The following DISC1 variants were observed in gnomAD, a reference collection of about 807,000 sequenced individuals.
The protein encoded by DISC1 is DISC1 scaffold protein.
In DISC1, 57 loss-of-function variants were observed where a neutral mutation model predicts 84.5. That is an observed-to-expected ratio of 0.67 (90% CI 0.55 to 0.84). The LOEUF is 0.84. DISC1 is among the 40% of genes least tolerant of loss of function. The probability of loss-of-function intolerance (pLI) is 0.00; values close to 1 mark genes in which losing one functional copy is unlikely to be tolerated. For synonymous variants in DISC1, 411 were observed against 415.2 expected, an observed-to-expected ratio of 0.99 and a Z score of 0.12; for missense variants, 1,000 against 1,057.8, an observed-to-expected ratio of 0.95 and a Z score of 0.76.
intron 3 of DISC1, chr1:231,723,747 C>A: frequency 2.0e-6 from 2 of 985,472 alleles, no homozygotes; most frequent in Non-Finnish European, 2.4e-6. Context: ...ACTTCTGCAG[C>A]CACTGGGACT....
rs1214446153 is a variant in DISC1 at position 231,716,567 on chromosome 1, A to G, written c.1117+14543A>G. ...TGCTTGGGCTTTGAAAGAACTGGCA[A>G]TCCTGCTTTTAAGAGTGGAAGGAAA... is the stretch of plus-strand genomic sequence containing the variant. On this transcript the variant is annotated intron_variant, in intron 3 of 12. Transcript: ENST00000439617. 2.6e-5 allele frequency among the ~76,000 whole-genome samples: 4 copies of G among 152,248 alleles called. No individual in the cohort carries two copies. The East Asian group carries it at 5.8e-4, about 22-fold the overall frequency.
rs190110924 is a variant in DISC1, at chr1:232,002,294, C to T, written c.2043-6491C>T. Among the ~76,000 whole-genome samples the T allele has an allele frequency of 4.6e-5, 7 of 152,202 alleles. No individual in the cohort carries two copies. The East Asian group carries it at 1.4e-3, about 29-fold the overall frequency. ...TTTTGATAAGAATGCAAATGGTTGG[C>T]CACTCTGAAAAACAGTTTGGCAGTT... On this transcript the variant is annotated intron_variant, in intron 10 of 12. Coordinates refer to ENST00000439617, the MANE Select transcript of DISC1 (RefSeq NM_018662.3).
chr1:231,906,688 G>A (rs2088671751), intron 9 of DISC1, among the ~76,000 whole-genome samples: 1 of 152,034 alleles, frequency 6.6e-6, no homozygotes, highest in African/African-American at 2.4e-5. Flanking sequence ...AGCCGTTCAG[G>A]TTAGAGGGTG....
intron 6 of DISC1, among the ~76,000 whole-genome samples, chr1:231,782,896 C>T (rs999012857): frequency 6.6e-6 from 1 of 152,034 alleles, no homozygotes; most frequent in African/African-American, 2.4e-5. Flanking sequence ...GAGTGGAGAT[C>T]GTGTCACTCT....
intron 4 of DISC1, among the ~76,000 whole-genome samples, chr1:231,752,434 T>A (rs576914042): frequency 3.3e-5 from 5 of 152,082 alleles, no homozygotes; most frequent in African/African-American, 1.2e-4. Context: ...AACAACGAGA[T>A]CTCATGAGAA....
At chr1:231,666,621 A>G (rs976275864) in intron 1 of DISC1, among the ~76,000 whole-genome samples, 14 of 152,372 alleles carry the variant, frequency 9.2e-5, no homozygotes, top group African/African-American at 3.1e-4. Context: ...CAGGCCAGGC[A>G]GCTGCCCAGC....
intron 1 of DISC1, among the ~76,000 whole-genome samples, chr1:231,677,390 C>G (rs938593121): frequency 6.6e-5 from 10 of 152,190 alleles, no homozygotes; most frequent in Non-Finnish European, 1.5e-4. Flanking sequence ...TAGCTCTTCT[C>G]TCTTTTTAAA....
At chr1:231,632,598 GAGAAA>G (rs2058815235) in intron 1 of DISC1, among the ~76,000 whole-genome samples, 1 of 152,206 alleles carries the variant, frequency 6.6e-6, no homozygotes, top group Non-Finnish European at 1.5e-5. Context: ...TTTTACAGGT[GAGAAA>G]AGTGAGAAAC....
intron 9 of DISC1, among the ~76,000 whole-genome samples, chr1:231,945,539 C>G (rs771275648): frequency 1.3e-5 from 2 of 152,096 alleles, no homozygotes; most frequent in Non-Finnish European, 2.9e-5. Context: ...ACCCTAGCAT[C>G]AAAATTAAAA....
chr1:231,957,820 C>T (rs1277697643), intron 9 of DISC1, among the ~76,000 whole-genome samples: 1 of 152,020 alleles, frequency 6.6e-6, no homozygotes, highest in Non-Finnish European at 1.5e-5. Context: ...TTCCACAGTC[C>T]CTCACCTTAC....
intron 9 of DISC1, among the ~76,000 whole-genome samples, chr1:231,903,928 CTA>C (rs1364518626): frequency 6.6e-6 from 1 of 152,172 alleles, no homozygotes; most frequent in African/African-American, 2.4e-5. Flanking sequence ...AGTCAAGAGA[CTA>C]TAGAGAGTCA....
In DISC1 at chr1:232,036,703, A is replaced by T; in HGVS notation, c.2437A>T (p.Arg813Trp). The T allele has an allele frequency of 6.3e-7, 1 of 1,599,096 alleles. No homozygotes were observed. Among genetic ancestry groups the T allele is most frequent in the East Asian group, 2.2e-5 (1 of 44,476 alleles). The part of the protein sequence containing the change: ...HDEDLIQSLR[R>W]ELQMVKETLQ... ...AACAATGTGCCCACAGTCTCTCAGGAGGGAGCTCCAGATGGTGAAGGAAAC... is the reference window on the plus strand; with the variant it reads ...AACAATGTGCCCACAGTCTCTCAGGTGGGAGCTCCAGATGGTGAAGGAAAC... Residue 813 changes from arginine to tryptophan, a missense_variant, in exon 13 of 13, where the codon AGG becomes TGG. Arg to Trp is a moderately radical substitution (Grantham distance 101). This residue lies in a region of DISC1 where 397 missense variants were observed against 377.5 expected (regional missense o/e 1.05). Transcript: ENST00000439617.
rs376909273 is a variant in DISC1, at chr1:231,845,423, G to A, written c.1981+26906G>A. Among the ~76,000 whole-genome samples, 77 of 152,238 alleles carry A rather than the reference G, an allele frequency of 5.1e-4. 1 individual carries two copies. In the South Asian group the frequency reaches 0.016, roughly 31 times the overall value. On this transcript the variant is annotated intron_variant, in intron 9 of 12. Coordinates refer to ENST00000439617, the MANE Select transcript of DISC1 (RefSeq NM_018662.3). ...GGCGGGGGGAGGTTTGAGGAGAGTG[G>A]GGAAAGGTCTGCTGTGGTGCCTTGA... is the stretch of plus-strand genomic sequence containing the variant.
intron 1 of DISC1, among the ~76,000 whole-genome samples, chr1:231,681,433 CGTT>C (rs1222322349): frequency 2.6e-5 from 4 of 151,842 alleles, no homozygotes; most frequent in East Asian, 1.9e-4. Context: ...GTGTAAATCA[CGTT>C]GGCCTCCTGG....
chr1:231,785,053 A>G (rs2077725670), intron 6 of DISC1, among the ~76,000 whole-genome samples: 1 of 152,148 alleles, frequency 6.6e-6, no homozygotes, highest in African/African-American at 2.4e-5. Context: ...GCCATGTGAC[A>G]TTATCAGCTG....
intron 12 of DISC1, among the ~76,000 whole-genome samples, chr1:232,028,125 A>G (rs1669649475): frequency 6.6e-6 from 1 of 152,172 alleles, no homozygotes; most frequent in African/African-American, 2.4e-5. Flanking sequence ...TAGAATAAGG[A>G]TGGCGTTTTT....
chr1:231,997,854 A>G (rs2102948408), intron 10 of DISC1, among the ~76,000 whole-genome samples: 1 of 152,330 alleles, frequency 6.6e-6, no homozygotes, highest in Middle Eastern at 3.4e-3. Context: ...CAGCCTAAGT[A>G]GTAAATATGC....
intron 10 of DISC1, among the ~76,000 whole-genome samples, chr1:231,997,683 C>T (rs1000236856): frequency 6.6e-6 from 1 of 152,042 alleles, no homozygotes; most frequent in Non-Finnish European, 1.5e-5. Flanking sequence ...CCTCCCTGTT[C>T]CCCAAGGGGT....
chr1:231,911,859 GGTTT>G (rs531496651), intron 9 of DISC1, among the ~76,000 whole-genome samples: 4 of 152,234 alleles, frequency 2.6e-5, no homozygotes, highest in Non-Finnish European at 4.4e-5. Flanking sequence ...ATTTCTTGGA[GGTTT>G]GTTTGTTTCT....
Sources: gnomAD v4.1 joint callset for allele counts (sites outside exome capture counted in the v4.1 genomes callset) on GRCh38, gnomAD v4.1.1 for gene constraint, gnomAD v4.1.1 regional missense constraint, MANE v1.5 for transcripts, NCBI Gene and HGNC (gene_info 2026-07-23, HGNC 2026-07-21) for gene names.